Variants in CREBBP observed in about 807,000 individuals in gnomAD.
CREBBP encodes the protein CREB binding lysine acetyltransferase.
Under a neutral mutation model 265.0 loss-of-function variants are expected in CREBBP, and 19 were observed. That is an observed-to-expected ratio of 0.07 (90% CI 0.05 to 0.11). CREBBP has a LOEUF of 0.11. Among genes scored for constraint, CREBBP ranks in the 10% least tolerant of loss-of-function variants. The pLI, the probability that CREBBP is intolerant of heterozygous loss-of-function variation, is 1.00. For missense variants in CREBBP, 2,525 were observed against 3,219.0 expected, an observed-to-expected ratio of 0.78 and a Z score of 5.22; for synonymous variants, 1,457 against 1,223.7, an observed-to-expected ratio of 1.19 and a Z score of -3.98.
chr16:3,728,693 C>T lies in CREBBP; in HGVS notation c.6354G>A (p.Gln2118=), dbSNP rs762511335. ...YVANQPGMQP[Q]PGLQSQPGMQ... is the part of the protein sequence containing the mutation. ...TGCCGGGCTGGGACTGGAGGCCAGG[C>T]TGGGGCTGCATGCCGGGCTGATTGG... The change falls in exon 31 of 31, where the codon CAG becomes CAA. Residue 2118 remains glutamine, a synonymous_variant. Transcript: ENST00000262367. The surrounding 1 kb of genome is among the most constrained non-coding windows in gnomAD (Gnocchi z 8.7). 1 of 1,613,934 alleles carries T rather than the reference C, an allele frequency of 6.2e-7. No individual in the cohort carries two copies. The highest frequency in any genetic ancestry group is 8.5e-7 in the Non-Finnish European group (1 of 1,179,968).
chr16:3,849,227 T>TC (rs1555496232), intron 2 of CREBBP, among the ~76,000 whole-genome samples: 2 of 151,950 alleles, frequency 1.3e-5, no homozygotes, highest in Admixed American at 6.6e-5. Flanking sequence ...TTCTCTGTGC[T>TC]CCTGTCAGTC....
intron 30 of CREBBP, among the ~76,000 whole-genome samples, chr16:3,730,352 C>T (rs1380547248): frequency 4.6e-5 from 7 of 152,166 alleles, no homozygotes; most frequent in Admixed American, 3.9e-4. Flanking sequence ...CTGAGGGAGG[C>T]CGGTCCCTCC....
chr16:3,786,838 G>A (rs2053398891), intron 5 of CREBBP, among the ~76,000 whole-genome samples: 1 of 152,132 alleles, frequency 6.6e-6, no homozygotes, highest in Admixed American at 6.5e-5. Context: ...TTGGGAGTAT[G>A]AGGGTGGGGA....
At chr16:3,849,207 C>A (rs1012734914) in intron 2 of CREBBP, among the ~76,000 whole-genome samples, 1 of 85,638 alleles carries the variant, frequency 1.2e-5, no homozygotes, top group African/African-American at 4.3e-5. Flanking sequence ...TGGGAATAGG[C>A]TGCCCTTCCT....
intron 7 of CREBBP, 25 bp from the exon 8 acceptor site, chr16:3,780,903 A>G: frequency 1.2e-6 from 2 of 1,612,642 alleles, no homozygotes; most frequent in Non-Finnish European, 1.7e-6. Flanking sequence ...AAGACACTTC[A>G]TCCATCTACT....
In CREBBP at chr16:3,851,409, C is replaced by G. The variant is rs1219777623; in HGVS notation, c.86-400G>C. ...AAATTCTGAAGACAGAAAAGTTAAACAGAGATGAGAAGGACAGCCCTACTA... is the reference window on the plus strand; with the variant it reads ...AAATTCTGAAGACAGAAAAGTTAAAGAGAGATGAGAAGGACAGCCCTACTA... On this transcript the variant is annotated intron_variant, in intron 1 of 30. Transcript: ENST00000262367. Among the ~76,000 whole-genome samples, 7 of 143,884 alleles carry G rather than the reference C, an allele frequency of 4.9e-5. No individual in the cohort carries two copies. The East Asian group carries it at 1.4e-3, about 30-fold the overall frequency. 94.4% of individuals were successfully genotyped at this position (143,884 alleles called of 152,430 possible). A position where few individuals can be genotyped will look rare whatever the true frequency, so the allele number is the denominator to read the frequency against.
At chr16:3,763,608 C>A (rs1432260469) in intron 16 of CREBBP, among the ~76,000 whole-genome samples, 1 of 151,968 alleles carries the variant, frequency 6.6e-6, no homozygotes, top group African/African-American at 2.4e-5. Flanking sequence ...GGATTACAGG[C>A]ATGCGCCACC....
intron 1 of CREBBP, among the ~76,000 whole-genome samples, chr16:3,872,955 G>C (rs576399284): frequency 4.6e-5 from 7 of 152,246 alleles, no homozygotes; most frequent in Non-Finnish European, 8.8e-5. Context: ...GGACACTCAG[G>C]AAACAGGGGA....
At chr16:3,737,167 T>C (rs1192906651) in intron 26 of CREBBP, among the ~76,000 whole-genome samples, 2 of 152,190 alleles carry the variant, frequency 1.3e-5, no homozygotes, top group Non-Finnish European at 2.9e-5. Flanking sequence ...CGGTTGACTA[T>C]TTTTCTCCAA....
rs62037853 is a variant in CREBBP at position 3,731,354 on chromosome 16, G to A, written c.5010C>T (p.Leu1670=). The A allele has an allele frequency of 8.1e-6, 13 of 1,613,832 alleles. No individual in the cohort carries two copies. Among genetic ancestry groups the A allele is most frequent in the Admixed American group, 1.7e-5 (1 of 59,956 alleles). The change falls in exon 30 of 31, where the codon CTC becomes CTT. Residue 1670 remains leucine, a synonymous_variant. Transcript: ENST00000262367. This position sits in a 1 kb window ranked among gnomAD's most constrained non-coding sequence, Gnocchi z 7.7. ...LMDGRDAFLT[L]ARDKHWEFSS... is the part of the protein sequence containing the mutation. ...AGAACTCCCAGTGCTTGTCTCTGGC[G>A]AGGGTGAGGAAGGCGTCGCGCCCAT...
intron 2 of CREBBP, among the ~76,000 whole-genome samples, chr16:3,836,100 C>G (rs541160745): frequency 1.3e-5 from 2 of 152,158 alleles, no homozygotes; most frequent in South Asian, 2.1e-4. Flanking sequence ...CTACATGATT[C>G]CATTACGTGA....
At position 3,769,190 on chromosome 16, in the gene CREBBP, C is replaced by T. The variant is rs2052936301; in HGVS notation, c.3044G>A (p.Gly1015Glu). The change falls in exon 15 of 31, where the codon GGG becomes GAG. Residue 1015 changes from glycine to glutamate, a missense_variant. By Grantham distance (98) the Gly-to-Glu change is moderately conservative. Transcript: ENST00000262367. ...DTEPDPGESKGEPRSEMMEED... is the reference protein window; with the variant it reads ...DTEPDPGESKEEPRSEMMEED... ...GGCACCCACCTCAGACCTGGGCTCC[C>T]CTTTGGATTCACCAGGATCGGGCTC... 1 of 1,614,004 alleles carries T rather than the reference C, an allele frequency of 6.2e-7. No homozygotes were observed. Among genetic ancestry groups the T allele is most frequent in the African/African-American group, 1.3e-5 (1 of 74,908 alleles).
intron 2 of CREBBP, among the ~76,000 whole-genome samples, chr16:3,817,318 A>C (rs1347232681): frequency 6.6e-6 from 1 of 152,202 alleles, no homozygotes; most frequent in East Asian, 1.9e-4. Flanking sequence ...TCTGGCTGCC[A>C]ACAGCCTCCT....
chr16:3,803,279 G>GGGGGGT (rs2053760962), intron 3 of CREBBP, among the ~76,000 whole-genome samples: 1 of 33,246 alleles, frequency 3.0e-5, no homozygotes, highest in African/African-American at 1.2e-4. Context: ...GGGGGGGGGG[G>GGGGGGT]GTGGATCACG....
In CREBBP at chr16:3,863,925, C is replaced by T. The variant is rs117721687; in HGVS notation, c.86-12916G>A. Among the ~76,000 whole-genome samples the T allele has an allele frequency of 5.7e-4, 87 of 152,296 alleles. 1 individual carries two copies. In the East Asian group the frequency reaches 0.015, roughly 26 times the overall value. On this transcript the variant is annotated intron_variant, in intron 1 of 30. Transcript: ENST00000262367. ...ATCATCTGGGACAGGGGAGCAAAAA[C>T]GGGTTGTTTACCACCACCACAGCTG...
chr16:3,834,641 A>C (rs954897448), intron 2 of CREBBP, among the ~76,000 whole-genome samples: 1 of 152,182 alleles, frequency 6.6e-6, no homozygotes, highest in African/African-American at 2.4e-5. Flanking sequence ...AGAATGTACA[A>C]CACCAAGAGT....
intron 5 of CREBBP, among the ~76,000 whole-genome samples, chr16:3,787,821 G>A (rs75360540): frequency 6.6e-6 from 1 of 151,912 alleles, no homozygotes; most frequent in Non-Finnish European, 1.5e-5. Flanking sequence ...GACTACAGGC[G>A]CATGCTGCCA....
chr16:3,837,754 A>G (rs577387108), intron 2 of CREBBP, among the ~76,000 whole-genome samples: 1 of 152,142 alleles, frequency 6.6e-6, no homozygotes, highest in East Asian at 1.9e-4. Context: ...CAAAAGAATA[A>G]AAAAGTTTTT....
At chr16:3,875,803 C>T (rs1000071361) in intron 1 of CREBBP, among the ~76,000 whole-genome samples, 3 of 152,178 alleles carry the variant, frequency 2.0e-5, no homozygotes, top group African/African-American at 2.4e-5. Flanking sequence ...CCTCACAGGA[C>T]GCTGTAAGGA....
Sources: gnomAD v4.1 joint callset for allele counts (sites outside exome capture counted in the v4.1 genomes callset) on GRCh38, gnomAD v4.1.1 for gene constraint, Gnocchi (gnomAD v3.1) non-coding constraint, MANE v1.5 for transcripts, NCBI Gene and HGNC (gene_info 2026-07-23, HGNC 2026-07-21) for gene names.